Variants in PCNX2 observed in about 807,000 individuals in gnomAD.
The protein encoded by PCNX2 is pecanex-like protein 2.
A neutral mutation model predicts 223.8 loss-of-function variants in PCNX2; 168 were observed. The observed-to-expected ratio is 0.75, with a 90% CI of 0.66 to 0.85. PCNX2 has a LOEUF of 0.85. Ranked by LOEUF, PCNX2 falls within the 40% of genes least tolerant of loss-of-function variation. PCNX2 has a pLI of 0.00. For synonymous variants in PCNX2, 1,006 were observed against 1,052.6 expected (o/e 0.96, Z 0.86); for missense variants, 2,507 against 2,675.5 (o/e 0.94, Z 1.39).
chr1:233,074,683 G>C (rs1673016635), intron 23 of PCNX2, among the ~76,000 whole-genome samples: 1 of 149,056 alleles, frequency 6.7e-6, no homozygotes, highest in Non-Finnish European at 1.5e-5. Flanking sequence ...ATATCTAAGA[G>C]AGTACAACTA....
chr1:233,214,946 G>GCCA (rs1347987402), intron 12 of PCNX2, among the ~76,000 whole-genome samples: 1 of 152,108 alleles, frequency 6.6e-6, no homozygotes, highest in Non-Finnish European at 1.5e-5. Flanking sequence ...CTCAAAATAT[G>GCCA]CCACCTGTGC....
rs147920873 is a variant in PCNX2 at position 233,105,389 on chromosome 1, A to G, written c.3838-9526T>C. Among the ~76,000 whole-genome samples, 675 of 152,324 alleles carry G rather than the reference A, an allele frequency of 4.4e-3. 24 individuals carry two copies. In the East Asian group the frequency reaches 0.067, roughly 15 times the overall value. On this transcript the variant is annotated intron_variant, in intron 21 of 33. Coordinates refer to ENST00000258229, the MANE Select transcript of PCNX2 (RefSeq NM_014801.4). ...ATCCCTTACAAACTAGTAATAAAAG[A>G]GTTCTTTTTAAACCTCATAGAGGAT...
intron 21 of PCNX2, among the ~76,000 whole-genome samples, chr1:233,108,121 G>C (rs1208013813): frequency 6.6e-6 from 1 of 152,160 alleles, no homozygotes; most frequent in East Asian, 1.9e-4. Flanking sequence ...AATAACCATA[G>C]AAATGGGCCA....
chr1:233,104,886 C>T (rs1674677095), intron 21 of PCNX2, among the ~76,000 whole-genome samples: 1 of 151,946 alleles, frequency 6.6e-6, no homozygotes, highest in Non-Finnish European at 1.5e-5. Context: ...TTTGGATTTG[C>T]ATGTAATAAA....
intron 21 of PCNX2, among the ~76,000 whole-genome samples, chr1:233,104,432 T>G (rs1196866142): frequency 1.3e-5 from 2 of 152,092 alleles, no homozygotes; most frequent in Non-Finnish European, 1.5e-5. Context: ...TACATAGCAG[T>G]ACATAATGAT....
intron 21 of PCNX2, among the ~76,000 whole-genome samples, chr1:233,122,015 T>C (rs1675821940): frequency 6.6e-6 from 1 of 151,226 alleles, no homozygotes; most frequent in Non-Finnish European, 1.5e-5. Flanking sequence ...CTAGGACTGA[T>C]TCAGGAAGTA....
chr1:233,087,296 G>T, intron 23 of PCNX2: 1 of 768,638 alleles, frequency 1.3e-6, no homozygotes, highest in Non-Finnish European at 1.6e-6. Flanking sequence ...AGAGGGGACT[G>T]CTAGGTGGCC....
At chr1:233,032,178 C>A (rs1005014030) in intron 25 of PCNX2, 52 of 586,902 alleles carry the variant, frequency 8.9e-5, no homozygotes, top group Non-Finnish European at 1.1e-4. Flanking sequence ...TCTTGGCTTA[C>A]CACAACCTCC....
chr1:233,085,777 A>G (rs1258210555), intron 23 of PCNX2, among the ~76,000 whole-genome samples: 1 of 152,172 alleles, frequency 6.6e-6, no homozygotes, highest in Non-Finnish European at 1.5e-5. Flanking sequence ...GAGATTACAC[A>G]GAGAGGTTCT....
chr1:233,127,606 T>C (rs950365033), intron 21 of PCNX2, among the ~76,000 whole-genome samples: 12 of 152,078 alleles, frequency 7.9e-5, no homozygotes, highest in Non-Finnish European at 1.5e-4. Context: ...TATCACAAAA[T>C]ACAGACTCAC....
At position 232,986,270 on chromosome 1, in the gene PCNX2, A is replaced by G. The variant is rs201952935; in HGVS notation, c.6062T>C (p.Leu2021Pro). The change falls in exon 33 of 34, where the codon CTG (leucine) becomes CCG (proline). Residue 2021 changes from leucine to proline, a missense_variant. Physicochemically the swap from Leu to Pro is moderately conservative, Grantham distance 98. Around this residue, in one of 3 missense-constraint regions of PCNX2, gnomAD observed 1,372 missense variants for 1,509.4 expected, o/e 0.91. Coordinates refer to ENST00000258229, the MANE Select transcript of PCNX2 (RefSeq NM_014801.4). ...ERAEALIRSS[L>P]GSSTSSTLSF... ...CAGGGTGGAGCTGGTGGAGGAGCCC[A>G]GGCTGGACCTGATGAGCGCCTCGGC... 1.6e-3 allele frequency: 2,509 copies of G among 1,562,518 alleles called. 5 individuals carry two copies. Among genetic ancestry groups the G allele is most frequent in the Non-Finnish European group, 1.7e-3 (1,962 of 1,153,662 alleles).
intron 1 of PCNX2, among the ~76,000 whole-genome samples, chr1:233,264,018 A>G (rs1358417672): frequency 6.6e-6 from 1 of 152,146 alleles, no homozygotes; most frequent in African/African-American, 2.4e-5. Flanking sequence ...TACTACTTCC[A>G]AAAGGAAGAG....
chr1:233,276,531 T>C (rs1375931415), intron 1 of PCNX2, among the ~76,000 whole-genome samples: 3 of 152,210 alleles, frequency 2.0e-5, no homozygotes. Flanking sequence ...TTATAACACT[T>C]TGGATTACGC....
At chr1:233,244,148 A>T (rs1658959893) in intron 8 of PCNX2, among the ~76,000 whole-genome samples, 1 of 152,238 alleles carries the variant, frequency 6.6e-6, no homozygotes, top group African/African-American at 2.4e-5. Context: ...TTTTTAAAGC[A>T]AACCAGTGAA....
At chr1:233,155,801 A>T (rs1380561311) in intron 19 of PCNX2, among the ~76,000 whole-genome samples, 1 of 152,238 alleles carries the variant, frequency 6.6e-6, no homozygotes, top group South Asian at 2.1e-4. Context: ...ATCAATCAAT[A>T]AAGTCATTTG....
At chr1:232,985,062 T>C (rs1669420513) in intron 33 of PCNX2, 1 of 152,262 alleles carries the variant, frequency 6.6e-6, no homozygotes, top group African/African-American at 2.4e-5. Context: ...GTTATCTAAC[T>C]AAGGTCAAAC....
chr1:233,067,724 C>T (rs1336657712), intron 23 of PCNX2, among the ~76,000 whole-genome samples: 6 of 152,166 alleles, frequency 3.9e-5, no homozygotes, highest in South Asian at 2.1e-4. Flanking sequence ...CCACCGGCCT[C>T]GGCCTCCCAA....
intron 13 of PCNX2, among the ~76,000 whole-genome samples, chr1:233,206,867 C>T (rs566784326): frequency 6.6e-6 from 1 of 151,980 alleles, no homozygotes; most frequent in East Asian, 1.9e-4. Context: ...AAAAATTAGC[C>T]GGGCATGGTG....
At chr1:233,187,319 C>T (rs1182193071) in intron 15 of PCNX2, among the ~76,000 whole-genome samples, 2 of 152,148 alleles carry the variant, frequency 1.3e-5, no homozygotes, top group African/African-American at 2.4e-5. Context: ...GAATGAACAT[C>T]AGTAGGACAA....
Sources: allele counts gnomAD v4.1 joint callset (sites outside exome capture counted in the v4.1 genomes callset), GRCh38; gene constraint gnomAD v4.1.1; regional missense constraint gnomAD v4.1.1; transcripts MANE v1.5; gene names NCBI Gene and HGNC (gene_info 2026-07-23, HGNC 2026-07-21).